BLTP3A: variants seen among roughly 807,000 people sequenced by gnomAD.
BLTP3A encodes the protein bridge-like lipid transfer protein family member 3A.
chr6:34,825,767 T>G, the BLTP3A span, among the ~76,000 whole-genome samples: 1 of 152,200 alleles, frequency 6.6e-6, no homozygotes, highest in Admixed American at 6.5e-5. Context: ...ACCATAGCAC[T>G]GAGTAACATT....
At chr6:34,793,586 G>T in the BLTP3A span, among the ~76,000 whole-genome samples, 1 of 152,110 alleles carries the variant, frequency 6.6e-6, no homozygotes, top group Admixed American at 6.6e-5. Flanking sequence ...TAATCACCAC[G>T]TAGTAAAAGA....
the BLTP3A span, among the ~76,000 whole-genome samples, chr6:34,839,367 G>A: frequency 1.3e-5 from 2 of 152,230 alleles, no homozygotes; most frequent in Non-Finnish European, 2.9e-5. Flanking sequence ...GGAGAAAGGG[G>A]AAGGGAGAAC....
the BLTP3A span, chr6:34,870,878 C>T: frequency 6.2e-7 from 1 of 1,614,182 alleles, no homozygotes. Flanking sequence ...GAATCCTCAA[C>T]TTTGAAGACT....
chr6:34,875,395 A>C, the BLTP3A span: 1 of 152,130 alleles, frequency 6.6e-6, no homozygotes, highest in South Asian at 2.1e-4. Context: ...GGCTCACCTG[A>C]ATTGGTTTAA....
At chr6:34,807,981 A>G in the BLTP3A span, among the ~76,000 whole-genome samples, 1 of 152,104 alleles carries the variant, frequency 6.6e-6, no homozygotes, top group Admixed American at 6.6e-5. Flanking sequence ...CAGTGGTTGC[A>G]GTGAGCTGAG....
At chr6:34,820,638 T>C in the BLTP3A span, among the ~76,000 whole-genome samples, 1 of 149,694 alleles carries the variant, frequency 6.7e-6, no homozygotes, top group South Asian at 2.1e-4. Context: ...TTTTAAATGT[T>C]ATTCATGGAC....
chr6:34,821,760 A>T, the BLTP3A span: 1 of 1,614,124 alleles, frequency 6.2e-7, no homozygotes, highest in Non-Finnish European at 8.5e-7. Flanking sequence ...AATGTACTGG[A>T]GCTGCCCACC....
chr6:34,836,691 C>G, the BLTP3A span, among the ~76,000 whole-genome samples: 16 of 152,096 alleles, frequency 1.1e-4, no homozygotes, highest in African/African-American at 3.6e-4. Flanking sequence ...AATCCTGATG[C>G]TTATCAGAGG....
At chr6:34,821,483 A>G in the BLTP3A span, 1 of 634,342 alleles carries the variant, frequency 1.6e-6, no homozygotes, top group Non-Finnish European at 2.7e-6. Flanking sequence ...AATTGATCAC[A>G]ACCCCAGTTA....
the BLTP3A span, among the ~76,000 whole-genome samples, chr6:34,822,591 C>T: frequency 1.3e-5 from 2 of 152,058 alleles, no homozygotes; most frequent in African/African-American, 2.4e-5. Context: ...GGGCCGGGTG[C>T]GGTGCTGTAA....
the BLTP3A span, chr6:34,834,241 G>C: frequency 6.2e-7 from 1 of 1,613,878 alleles, no homozygotes; most frequent in Admixed American, 1.7e-5. Flanking sequence ...CCGAAAAGGT[G>C]GTGGAAGGGA....
At chr6:34,872,310 CA>C in the BLTP3A span, 6 of 1,602,412 alleles carry the variant, frequency 3.7e-6, no homozygotes, top group Non-Finnish European at 8.5e-7. Flanking sequence ...TATTGTTCCT[CA>C]GGTGAAAGAA....
At chr6:34,813,336 C>T in the BLTP3A span, among the ~76,000 whole-genome samples, 2 of 152,160 alleles carry the variant, frequency 1.3e-5, no homozygotes, top group Non-Finnish European at 2.9e-5. Flanking sequence ...TAGATTTGGA[C>T]TAAACAATTA....
the BLTP3A span, among the ~76,000 whole-genome samples, chr6:34,852,758 T>G: frequency 7.8e-6 from 1 of 128,530 alleles, no homozygotes; most frequent in East Asian, 2.2e-4. Context: ...TTAACAATCC[T>G]TGTGGCTTTT....
chr6:34,867,614 C>G, the BLTP3A span: 1 of 1,612,074 alleles, frequency 6.2e-7, no homozygotes, highest in Non-Finnish European at 8.5e-7. Flanking sequence ...GGACAGTGCC[C>G]AGGTAAGGAT....
chr6:34,871,617 G>A, the BLTP3A span: 1 of 1,613,686 alleles, frequency 6.2e-7, no homozygotes, highest in Non-Finnish European at 8.5e-7. Flanking sequence ...AACATCTCCA[G>A]GCCCCATCCC....
chr6:34,818,568 A>T, the BLTP3A span, among the ~76,000 whole-genome samples: 1 of 152,206 alleles, frequency 6.6e-6, no homozygotes, highest in Non-Finnish European at 1.5e-5. Flanking sequence ...AAAATTTGTT[A>T]CAAAATATTT....
At chr6:34,864,085 G>C in the BLTP3A span, 4 of 1,613,930 alleles carry the variant, frequency 2.5e-6, no homozygotes, top group Admixed American at 3.3e-5. Flanking sequence ...TCCATGAAGA[G>C]GACGGTATCT....
chr6:34,793,122 G>A, the BLTP3A span, among the ~76,000 whole-genome samples: 2 of 152,164 alleles, frequency 1.3e-5, no homozygotes, highest in Non-Finnish European at 2.9e-5. Flanking sequence ...CTTTTATTAA[G>A]CAATGTTATG....
Sources: allele counts gnomAD v4.1 joint callset (sites outside exome capture counted in the v4.1 genomes callset), GRCh38; gene constraint gnomAD v4.1.1; transcripts MANE v1.5; gene names NCBI Gene and HGNC (gene_info 2026-07-23, HGNC 2026-07-21).